Variants in PDCD1LG2 observed in about 807,000 individuals in gnomAD.
PDCD1LG2 encodes programmed cell death 1 ligand 2, also known as B7 dendritic cell molecule.
A neutral mutation model predicts 28.2 loss-of-function variants in PDCD1LG2; 32 were observed. That is an observed-to-expected ratio of 1.13 (90% CI 0.86 to 1.52). The LOEUF is 1.52. Among genes scored for constraint, PDCD1LG2 ranks in the 40% most tolerant of loss-of-function variants. The pLI is 0.00. For synonymous variants in PDCD1LG2, 116 were observed against 120.2 expected, an observed-to-expected ratio of 0.97 and a Z score of 0.23; for missense variants, 385 against 323.8, an observed-to-expected ratio of 1.19 and a Z score of -1.45.
At chr9:5,558,948 A>G (rs1816502481) in intron 5 of PDCD1LG2, among the ~76,000 whole-genome samples, 1 of 152,208 alleles carries the variant, frequency 6.6e-6, no homozygotes, top group Non-Finnish European at 1.5e-5. Context: ...TTTTAAATAG[A>G]ACCACTTCAG....
chr9:5,523,976 T>C (rs551697385), intron 2 of PDCD1LG2, among the ~76,000 whole-genome samples: 1 of 152,336 alleles, frequency 6.6e-6, no homozygotes, highest in Non-Finnish European at 1.5e-5. Flanking sequence ...GGATCTTTTC[T>C]TCTAAGATAA....
At chr9:5,564,610 C>A (rs1055323431) in intron 6 of PDCD1LG2, among the ~76,000 whole-genome samples, 1 of 152,214 alleles carries the variant, frequency 6.6e-6, no homozygotes, top group Admixed American at 6.5e-5. Flanking sequence ...ACTGCCAGAT[C>A]TAATCCCCCC....
At chr9:5,563,748 G>A (rs986477300) in intron 6 of PDCD1LG2, among the ~76,000 whole-genome samples, 1 of 152,142 alleles carries the variant, frequency 6.6e-6, no homozygotes, top group African/African-American at 2.4e-5. Context: ...CATGATTGTG[G>A]GGGCTGGCAA....
At chr9:5,563,332 TC>T in intron 6 of PDCD1LG2, 121 bp downstream of exon 6, 1 of 849,978 alleles carries the variant, frequency 1.2e-6, no homozygotes, top group Non-Finnish European at 1.8e-6. Flanking sequence ...GCTTATAGAA[TC>T]TTCCTGTTTG....
Position 5,549,439 on chromosome 9 carries a change from C to G in PDCD1LG2, c.466C>G (p.Pro156Ala), listed in dbSNP as rs2129875490. The G allele has an allele frequency of 6.2e-7, 1 of 1,614,208 alleles. No homozygotes were observed. Among genetic ancestry groups the G allele is most frequent in the South Asian group, 1.1e-5 (1 of 91,084 alleles). Residue 156 changes from proline to alanine, a missense_variant, in exon 4 of 7, where the codon CCA (proline) becomes GCA (alanine). Transcript: ENST00000397747. ...TGYPLAEVSW[P>A]NVSVPANTSH... The stretch of plus-strand genomic sequence containing the variant: ...TTATCCTCTGGCAGAAGTATCCTGG[C>G]CAAACGTCAGCGTTCCTGCCAACAC...
intron 3 of PDCD1LG2, among the ~76,000 whole-genome samples, chr9:5,537,042 A>C (rs1486947493): frequency 6.6e-6 from 1 of 152,234 alleles, no homozygotes; most frequent in Non-Finnish European, 1.5e-5. Context: ...TGTTATGACT[A>C]AAAACCCTTT....
rs376129728 is a variant in PDCD1LG2 at position 5,533,044 on chromosome 9, C to T, written c.56-1701C>T. On this transcript the variant is annotated intron_variant, in intron 2 of 6. Coordinates refer to ENST00000397747, the MANE Select transcript of PDCD1LG2 (RefSeq NM_025239.4). ...CCTGTCACTATATCCTATGCTCTTC[C>T]GTATCACATTTTATACTGAAACAAC... Among the ~76,000 whole-genome samples the T allele has an allele frequency of 1.2e-4, 19 of 152,172 alleles. 1 individual carries two copies. The highest frequency in any genetic ancestry group is 4.3e-4 in the African/African-American group (18 of 41,436).
At chr9:5,557,479 G>A (rs952784733) in intron 4 of PDCD1LG2, 139 bp from the exon 5 acceptor site, 3 of 969,552 alleles carry the variant, frequency 3.1e-6, no homozygotes, top group East Asian at 4.8e-5. Context: ...TAGGTGCAGA[G>A]CACTTAGAAT....
chr9:5,526,056 A>AAAT (rs1554644219), intron 2 of PDCD1LG2, among the ~76,000 whole-genome samples: 2 of 151,806 alleles, frequency 1.3e-5, no homozygotes, highest in East Asian at 3.9e-4. Context: ...CAAAAAAAAA[A>AAAT]AAAAAAAGTA....
At chr9:5,548,483 C>T (rs781107907) in intron 3 of PDCD1LG2, among the ~76,000 whole-genome samples, 4 of 152,330 alleles carry the variant, frequency 2.6e-5, no homozygotes, top group South Asian at 4.1e-4. Context: ...ATCTCTTCAA[C>T]ATACTAAATT....
At chr9:5,548,645 C>T (rs1485549699) in intron 3 of PDCD1LG2, among the ~76,000 whole-genome samples, 1 of 152,138 alleles carries the variant, frequency 6.6e-6, no homozygotes, top group Non-Finnish European at 1.5e-5. Flanking sequence ...GTTTAATTCA[C>T]TCAGCATATA....
chr9:5,532,896 A>T (rs1820509423), intron 2 of PDCD1LG2, among the ~76,000 whole-genome samples: 1 of 152,190 alleles, frequency 6.6e-6, no homozygotes. Flanking sequence ...CCTCCACCAC[A>T]ATACTGAGAG....
At chr9:5,534,673 A>G (rs991047937) in intron 2 of PDCD1LG2, 72 bp from the exon 3 acceptor site, 3 of 1,394,264 alleles carry the variant, frequency 2.2e-6, no homozygotes. Context: ...GATGGGTCTC[A>G]GGTTACACTT....
At chr9:5,528,471 T>A (rs1820421190) in intron 2 of PDCD1LG2, among the ~76,000 whole-genome samples, 1 of 151,364 alleles carries the variant, frequency 6.6e-6, no homozygotes, top group Admixed American at 6.6e-5. Context: ...TGGCTAATTT[T>A]TTTTTTTTAA....
At chr9:5,568,027 G>GTTTCC (rs140564784) in intron 6 of PDCD1LG2, among the ~76,000 whole-genome samples, 1,525 of 152,268 alleles carry the variant, frequency 0.01, 26 homozygotes, top group African/African-American at 0.035. Context: ...ACATGGGTGT[G>GTTTCC]TTTCCTTTCC....
At chr9:5,555,090 T>C (rs753056904) in intron 4 of PDCD1LG2, among the ~76,000 whole-genome samples, 1 of 152,204 alleles carries the variant, frequency 6.6e-6, no homozygotes, top group Non-Finnish European at 1.5e-5. Flanking sequence ...AAATATTTTT[T>C]GCCATTGCAT....
At chr9:5,568,220 G>T (rs1040895279) in intron 6 of PDCD1LG2, among the ~76,000 whole-genome samples, 1 of 152,168 alleles carries the variant, frequency 6.6e-6, no homozygotes, top group African/African-American at 2.4e-5. Flanking sequence ...CCCTACAAAG[G>T]CCTCTAAGGC....
intron 3 of PDCD1LG2, among the ~76,000 whole-genome samples, chr9:5,546,686 C>T (rs567233462): frequency 1.3e-5 from 2 of 152,274 alleles, no homozygotes; most frequent in Middle Eastern, 3.4e-3. Flanking sequence ...AGAGACACAT[C>T]CTCTTATGGT....
intron 3 of PDCD1LG2, among the ~76,000 whole-genome samples, chr9:5,540,378 CAA>C (rs1820665211): frequency 6.6e-6 from 1 of 151,676 alleles, no homozygotes; most frequent in South Asian, 2.1e-4. Context: ...AAAGAAATTA[CAA>C]AGATCAGGGC....
Sources: gnomAD v4.1 joint callset for allele counts (sites outside exome capture counted in the v4.1 genomes callset) on GRCh38, gnomAD v4.1.1 for gene constraint, MANE v1.5 for transcripts, NCBI Gene and HGNC (gene_info 2026-07-23, HGNC 2026-07-21) for gene names.